The following SESN3 variants were observed in gnomAD, a reference collection of about 807,000 sequenced individuals.
SESN3 encodes the protein sestrin-3.
A neutral mutation model predicts 55.3 loss-of-function variants in SESN3; 21 were observed. The observed-to-expected ratio is 0.38, with a 90% CI of 0.27 to 0.55. The LOEUF (loss-of-function observed/expected upper bound fraction) is 0.55, where lower values mean the gene tolerates loss of function less well. Ranked by LOEUF, SESN3 falls within the 20% of genes least tolerant of loss-of-function variation. SESN3 has a pLI of 0.76. For missense variants in SESN3, 408 were observed against 604.3 expected (o/e 0.68, Z 3.41); for synonymous variants, 181 against 203.1 (o/e 0.89, Z 0.93).
intron 1 of SESN3, among the ~76,000 whole-genome samples, chr11:95,217,152 AC>A (rs934696998): frequency 3.3e-5 from 5 of 152,078 alleles, no homozygotes; most frequent in Non-Finnish European, 5.9e-5. Context: ...ATATGCTTAT[AC>A]ATCATGTGAA....
Position 95,231,142 on chromosome 11 carries a change from G to T in SESN3, c.-282C>A, listed in dbSNP as rs1306539804. 2.0e-5 allele frequency: 8 copies of T among 391,804 alleles called. No homozygotes were observed. The highest frequency in any genetic ancestry group is 3.1e-5 in the Non-Finnish European group (7 of 223,742). 24.3% of individuals were successfully genotyped at this position (391,804 alleles called of 1,614,324 possible). Reference sequence around the variant, plus strand: ...TCTTCCAGACCCCCGCCCCCGCCAGGCTAGGACGAGCAGCCGCCACCGCTG... The same window carrying T: ...TCTTCCAGACCCCCGCCCCCGCCAGTCTAGGACGAGCAGCCGCCACCGCTG... On this transcript the variant is annotated 5_prime_UTR_variant, in exon 1 of 10. Transcript: ENST00000536441.
intron 1 of SESN3, among the ~76,000 whole-genome samples, chr11:95,205,151 G>A (rs1004954224): frequency 1.3e-5 from 2 of 152,140 alleles, no homozygotes. Context: ...CACATCGAGG[G>A]AACTATGTTG....
intron 4 of SESN3, among the ~76,000 whole-genome samples, chr11:95,186,792 T>C (rs1860175848): frequency 6.6e-6 from 1 of 151,876 alleles, no homozygotes; most frequent in South Asian, 2.1e-4. Flanking sequence ...ATTATTATAA[T>C]CTGTAATAAT....
chr11:95,202,892 T>C (rs1302612581), intron 1 of SESN3, among the ~76,000 whole-genome samples: 2 of 152,110 alleles, frequency 1.3e-5, no homozygotes, highest in Non-Finnish European at 2.9e-5. Context: ...AAACTTCACC[T>C]TGAATTTTAG....
chr11:95,219,757 ATT>A (rs34154515), intron 1 of SESN3, among the ~76,000 whole-genome samples: 16 of 150,160 alleles, frequency 1.1e-4, no homozygotes, highest in African/African-American at 3.9e-4. Context: ...ATTGAAAAAT[ATT>A]TTTTTTTTTG....
chr11:95,167,242 C>A lies in SESN3; in HGVS notation c.*6013G>T, dbSNP rs1333755439. ...TGATATTCTTTCGGTAGAAATTATACATTCATTTTTTTAAGAGGTTAACTT... is the reference window on the plus strand; with the variant it reads ...TGATATTCTTTCGGTAGAAATTATAAATTCATTTTTTTAAGAGGTTAACTT... On this transcript the variant is annotated 3_prime_UTR_variant, in exon 10 of 10. Coordinates refer to ENST00000536441, the MANE Select transcript of SESN3 (RefSeq NM_144665.4). 1 of 152,072 alleles carries A rather than the reference C, an allele frequency of 6.6e-6. No individual in the cohort carries two copies. The highest frequency in any genetic ancestry group is 1.5e-5 in the Non-Finnish European group (1 of 68,004). The allele number at this position is 152,072 out of a possible 1,614,324, so 9.4% of individuals were successfully genotyped here. A position where few individuals can be genotyped will look rare whatever the true frequency, so the allele number is the denominator to read the frequency against.
chr11:95,184,005 C>T (rs756450051), intron 6 of SESN3: 55 of 199,128 alleles, frequency 2.8e-4, no homozygotes, highest in Non-Finnish European at 4.9e-4. Flanking sequence ...TCTGGAAAAG[C>T]AGCAGTGTGA....
intron 4 of SESN3, among the ~76,000 whole-genome samples, chr11:95,188,415 G>A (rs1325971696): frequency 1.3e-5 from 2 of 151,620 alleles, no homozygotes; most frequent in Non-Finnish European, 2.9e-5. Context: ...ATTTTCCTGT[G>A]TACCTCCTGA....
At chr11:95,222,781 AAC>A (rs1270010716) in intron 1 of SESN3, among the ~76,000 whole-genome samples, 1 of 152,252 alleles carries the variant, frequency 6.6e-6, no homozygotes, top group African/African-American at 2.4e-5. Flanking sequence ...ACTTTTGAAG[AAC>A]AGTCTTTCTT....
intron 1 of SESN3, among the ~76,000 whole-genome samples, chr11:95,223,232 C>T (rs1274933304): frequency 6.6e-6 from 1 of 151,128 alleles, no homozygotes; most frequent in Non-Finnish European, 1.5e-5. Context: ...TATTTAGGAA[C>T]TCCCACATTC....
chr11:95,225,202 A>G (rs1369818698), intron 1 of SESN3, among the ~76,000 whole-genome samples: 1 of 152,194 alleles, frequency 6.6e-6, no homozygotes, highest in Non-Finnish European at 1.5e-5. Flanking sequence ...TTTTGCTCTC[A>G]GTGAAGAAGG....
At position 95,224,976 on chromosome 11, in the gene SESN3, G is replaced by A. The variant is rs531677289; in HGVS notation, c.78+5807C>T. 3.5e-4 allele frequency among the ~76,000 whole-genome samples: 54 copies of A among 152,222 alleles called. 1 individual carries two copies. The highest frequency in any genetic ancestry group is 1.2e-3 in the African/African-American group (51 of 41,538). On this transcript the variant is annotated intron_variant, in intron 1 of 9. Transcript: ENST00000536441. ...GCTATGCAATGGATGCACTTTATAC[G>A]CATTCCATTTTGTCATACGGGGTAT... is the stretch of plus-strand genomic sequence containing the variant.
At chr11:95,190,756 T>C (rs1173691273) in intron 3 of SESN3, among the ~76,000 whole-genome samples, 2 of 152,038 alleles carry the variant, frequency 1.3e-5, no homozygotes, top group Non-Finnish European at 2.9e-5. Flanking sequence ...TGGCTAGTTA[T>C]GACAGCCCTG....
chr11:95,215,372 G>A (rs1216248286), intron 1 of SESN3, among the ~76,000 whole-genome samples: 1 of 151,994 alleles, frequency 6.6e-6, no homozygotes, highest in Non-Finnish European at 1.5e-5. Context: ...ATTTGCCTAC[G>A]GAATTGTTAT....
At chr11:95,194,583 C>T (rs536946879) in intron 1 of SESN3, among the ~76,000 whole-genome samples, 1 of 152,078 alleles carries the variant, frequency 6.6e-6, no homozygotes, top group East Asian at 1.9e-4. Context: ...TACTCTTAAC[C>T]TGGTAAAGTT....
At chr11:95,200,671 A>T (rs531326377) in intron 1 of SESN3, among the ~76,000 whole-genome samples, 1 of 152,128 alleles carries the variant, frequency 6.6e-6, no homozygotes, top group South Asian at 2.1e-4. Context: ...AGGGCCTGAG[A>T]CTTTAAGAGT....
chr11:95,165,707 A>G lies in SESN3; in HGVS notation c.*7548T>C, dbSNP rs937086171. 1 of 152,216 alleles carries G rather than the reference A, an allele frequency of 6.6e-6. No homozygotes were observed. The highest frequency in any genetic ancestry group is 1.5e-5 in the Non-Finnish European group (1 of 68,024). The allele number at this position is 152,216 out of a possible 1,614,324, so 9.4% of individuals were successfully genotyped here. On this transcript the variant is annotated 3_prime_UTR_variant, in exon 10 of 10. Transcript: ENST00000536441. ...AAAAGTGCAGTTATGAATTGTTAAC[A>G]TGTTAATACACAGTTCCTTTATTTC...
At chr11:95,174,552 C>G (rs552459858) in intron 9 of SESN3, among the ~76,000 whole-genome samples, 1 of 152,154 alleles carries the variant, frequency 6.6e-6, no homozygotes, top group African/African-American at 2.4e-5. Context: ...GGAGTGATCT[C>G]GGCTCACTGC....
At chr11:95,174,742 C>A (rs879826075) in intron 9 of SESN3, among the ~76,000 whole-genome samples, 23 of 152,198 alleles carry the variant, frequency 1.5e-4, no homozygotes, top group Non-Finnish European at 2.2e-4. Flanking sequence ...CCACCTCGGC[C>A]TCCCAAAGTG....
Sources: allele counts gnomAD v4.1 joint callset (sites outside exome capture counted in the v4.1 genomes callset), GRCh38; gene constraint gnomAD v4.1.1; transcripts MANE v1.5; gene names NCBI Gene and HGNC (gene_info 2026-07-23, HGNC 2026-07-21).